The following UBE2R2 variants were observed in gnomAD, a reference collection of about 807,000 sequenced individuals.
UBE2R2 encodes ubiquitin-conjugating enzyme E2 R2.
Under a neutral mutation model 27.8 loss-of-function variants are expected in UBE2R2, and 1 was observed. The observed-to-expected ratio is 0.04, with a 90% CI of 0.01 to 0.17. The LOEUF (loss-of-function observed/expected upper bound fraction) is 0.17, where lower values mean the gene tolerates loss of function less well. Ranked by LOEUF, UBE2R2 falls within the 10% of genes least tolerant of loss-of-function variation. The pLI is 1.00. For synonymous variants in UBE2R2, 106 were observed against 113.3 expected (o/e 0.94, Z 0.41); for missense variants, 100 against 291.0 (o/e 0.34, Z 4.78).
At chr9:33,817,972 C>G (rs777246858) in intron 1 of UBE2R2, 38 bp downstream of exon 1, 10 of 1,576,616 alleles carry the variant, frequency 6.3e-6, no homozygotes, top group Non-Finnish European at 6.9e-6. Context: ...CTTCCGCGGC[C>G]GAGGCCTCCG....
intron 1 of UBE2R2, among the ~76,000 whole-genome samples, chr9:33,851,617 T>C (rs779476125): frequency 6.6e-6 from 1 of 152,190 alleles, no homozygotes; most frequent in Non-Finnish European, 1.5e-5. Context: ...GATTTTGATT[T>C]GTCTCATTTC....
intron 1 of UBE2R2, among the ~76,000 whole-genome samples, chr9:33,851,181 T>G (rs1820959388): frequency 6.6e-6 from 1 of 152,148 alleles, no homozygotes; most frequent in Non-Finnish European, 1.5e-5. Flanking sequence ...AAATAAAAAT[T>G]TTTAAACAAC....
At chr9:33,873,165 A>T (rs998887971) in intron 1 of UBE2R2, among the ~76,000 whole-genome samples, 1 of 128,558 alleles carries the variant, frequency 7.8e-6, no homozygotes, top group Non-Finnish European at 1.6e-5. Context: ...ACAGAGCAAG[A>T]CTCCGTCTTA....
chr9:33,832,516 G>A lies in UBE2R2; in HGVS notation c.177+14582G>A, dbSNP rs556242801. On this transcript the variant is annotated intron_variant, in intron 1 of 4. Transcript: ENST00000263228. ...CTAAAAATACAAAAAAATTAGCTGC[G>A]CTTCGCGGCCAGCACCTGTAGTTCC... Among the ~76,000 whole-genome samples, 172 of 151,910 alleles carry A rather than the reference G, an allele frequency of 1.1e-3. 2 individuals are homozygous for A. The South Asian group carries it at 0.032, about 28-fold the overall frequency.
chr9:33,821,760 C>A (rs1305721907), intron 1 of UBE2R2, among the ~76,000 whole-genome samples: 1 of 151,606 alleles, frequency 6.6e-6, no homozygotes, highest in African/African-American at 2.4e-5. Flanking sequence ...GGATTACCGG[C>A]GTGCGCCATG....
intron 3 of UBE2R2, among the ~76,000 whole-genome samples, chr9:33,906,717 A>G (rs778232921): frequency 6.6e-6 from 1 of 152,190 alleles, no homozygotes. Context: ...ATTGGGTCAT[A>G]CAATCCTAAT....
At chr9:33,842,850 AAC>A (rs1820758807) in intron 1 of UBE2R2, among the ~76,000 whole-genome samples, 1 of 151,938 alleles carries the variant, frequency 6.6e-6, no homozygotes, top group Non-Finnish European at 1.5e-5. Context: ...AGGTCTGAAA[AAC>A]ACTGCTGAAG....
intron 1 of UBE2R2, chr9:33,830,849 A>G (rs553910643): frequency 1.3e-5 from 2 of 152,210 alleles, no homozygotes; most frequent in South Asian, 2.1e-4. Context: ...GATAAGTCCC[A>G]TAAAATAATT....
intron 1 of UBE2R2, among the ~76,000 whole-genome samples, chr9:33,829,399 G>A (rs1162383189): frequency 6.6e-6 from 1 of 152,118 alleles, no homozygotes; most frequent in African/African-American, 2.4e-5. Flanking sequence ...GAAGAATGGA[G>A]GCAGCTTAAG....
intron 2 of UBE2R2, among the ~76,000 whole-genome samples, chr9:33,894,302 T>A (rs1319606725): frequency 3.3e-5 from 5 of 152,120 alleles, no homozygotes; most frequent in African/African-American, 1.2e-4. Context: ...ATAGCTATCC[T>A]AAGTGGGTGT....
chr9:33,860,547 ATTTGT>A (rs1389783963), intron 1 of UBE2R2, among the ~76,000 whole-genome samples: 1 of 151,808 alleles, frequency 6.6e-6, no homozygotes, highest in Non-Finnish European at 1.5e-5. Context: ...GTTTGACTTT[ATTTGT>A]TTTATTTGTT....
chr9:33,897,272 G>A (rs1171998993), intron 2 of UBE2R2, among the ~76,000 whole-genome samples: 2 of 148,542 alleles, frequency 1.3e-5, no homozygotes, highest in Admixed American at 1.4e-4. Flanking sequence ...TCCTGACCTC[G>A]TGATCCGCTG....
intron 1 of UBE2R2, among the ~76,000 whole-genome samples, chr9:33,830,313 A>G (rs1172067280): frequency 6.7e-6 from 1 of 150,006 alleles, no homozygotes; most frequent in Admixed American, 6.6e-5. Flanking sequence ...GCATGCCACC[A>G]TGCCCAGCTA....
chr9:33,853,586 A>G (rs1482761674), intron 1 of UBE2R2, among the ~76,000 whole-genome samples: 2 of 151,412 alleles, frequency 1.3e-5, no homozygotes, highest in Admixed American at 6.6e-5. Context: ...TGCCCAGCCT[A>G]TCTTTTCTAT....
At position 33,917,234 on chromosome 9, in the gene UBE2R2, G is replaced by A. The variant is rs370067900; in HGVS notation, c.714G>A (p.Ser238=). The change falls in exon 5 of 5, where the codon TCG becomes TCA. Residue 238 remains serine (S), a synonymous_variant. Transcript: ENST00000263228. ...YDDDDSGNEE[S] Reference sequence around the variant, plus strand: ...ATGATGATTCTGGGAATGAGGAGTCGTGACGTGCTCCTTCAGTGCCCCTGT... The same window carrying A: ...ATGATGATTCTGGGAATGAGGAGTCATGACGTGCTCCTTCAGTGCCCCTGT... 2.7e-5 allele frequency: 43 copies of A among 1,613,914 alleles called. No individual in the cohort carries two copies. The highest frequency in any genetic ancestry group is 8.3e-5 in the Admixed American group (5 of 60,000).
chr9:33,916,940 T>C (rs1183904922), intron 4 of UBE2R2, 78 bp from the exon 5 acceptor site: 1 of 1,546,468 alleles, frequency 6.5e-7, no homozygotes, highest in African/African-American at 1.4e-5. Flanking sequence ...TAAGTAATAT[T>C]GATTATTTAA....
At chr9:33,839,843 A>G (rs1299190645) in intron 1 of UBE2R2, among the ~76,000 whole-genome samples, 3 of 152,128 alleles carry the variant, frequency 2.0e-5, no homozygotes, top group Admixed American at 1.3e-4. Flanking sequence ...AAAAAAATCT[A>G]ATAAGTTAGC....
intron 1 of UBE2R2, among the ~76,000 whole-genome samples, chr9:33,850,634 A>G (rs937896299): frequency 1.6e-4 from 24 of 152,220 alleles, no homozygotes; most frequent in African/African-American, 5.8e-4. Flanking sequence ...AATCCTGCCA[A>G]TCGGGATTCC....
intron 1 of UBE2R2, among the ~76,000 whole-genome samples, chr9:33,842,242 T>TA (rs1055196908): frequency 2.0e-4 from 30 of 151,238 alleles, no homozygotes; most frequent in Middle Eastern, 3.4e-3. Context: ...TCCACAAAAA[T>TA]AAAAAAAAAT....
Sources: gnomAD v4.1 joint callset for allele counts (sites outside exome capture counted in the v4.1 genomes callset) on GRCh38, gnomAD v4.1.1 for gene constraint, MANE v1.5 for transcripts, NCBI Gene and HGNC (gene_info 2026-07-23, HGNC 2026-07-21) for gene names.